The following L3HYPDH variants were observed in gnomAD, a reference collection of about 807,000 sequenced individuals.
The protein encoded by L3HYPDH is trans-L-3-hydroxyproline dehydratase, also known as trans-3-hydroxy-L-proline dehydratase.
L3HYPDH carries 32 observed loss-of-function variants against 26.5 expected under a neutral mutation model. The observed-to-expected ratio is 1.21, with a 90% CI of 0.91 to 1.62. The LOEUF (loss-of-function observed/expected upper bound fraction) is 1.62. L3HYPDH is among the 40% of genes most tolerant of loss of function. L3HYPDH has a pLI of 0.00. For synonymous variants in L3HYPDH, 215 were observed against 196.6 expected, an observed-to-expected ratio of 1.09 and a Z score of -0.78; for missense variants, 554 against 476.4, an observed-to-expected ratio of 1.16 and a Z score of -1.52.
At chr14:59,469,714 C>G (rs938685288), downstream of L3HYPDH, among the ~76,000 whole-genome samples, 5 of 152,070 alleles carry the variant, frequency 3.3e-5, no homozygotes, top group African/African-American at 1.2e-4. Context: ...AAGTCCCTAG[C>G]TTGGTGGATG....
rs773295805 is a variant in L3HYPDH, at chr14:59,483,736, G to T, written c.508+73C>A. The stretch of plus-strand genomic sequence containing the variant: ...GGTTAGTTGCCAGAGTTCCAGCCCA[G>T]AAAAACCGTTAATGTAGTTAGTCGC... On this transcript the variant is annotated intron_variant, in intron 1 of 4. Coordinates refer to ENST00000247194, the MANE Select transcript of L3HYPDH (RefSeq NM_144581.2). 11 of 1,541,216 alleles carry T rather than the reference G, an allele frequency of 7.1e-6. No individual in the cohort carries two copies. The African/African-American group carries it at 1.2e-4, about 17-fold the overall frequency.
In L3HYPDH at chr14:59,479,290, T is replaced by G; in HGVS notation, c.570A>C (p.Ala190=). 1 of 1,613,604 alleles carries G rather than the reference T, an allele frequency of 6.2e-7. No homozygotes were observed. The highest frequency in any genetic ancestry group is 8.5e-7 in the Non-Finnish European group (1 of 1,179,808). The change falls in exon 2 of 5, where the codon GCA becomes GCC. Residue 190 remains alanine (A), a synonymous_variant. Transcript: ENST00000247194. ...KVMVDIAYGG[A]FYAFVTAEKL... ...TTTCAGCAGTAACAAATGCATAAAA[T>G]GCACCGCCATATGCAATGTCCACCA...
At chr14:59,500,424 G>A in the L3HYPDH span, among the ~76,000 whole-genome samples, 2 of 152,110 alleles carry the variant, frequency 1.3e-5, no homozygotes, top group South Asian at 2.1e-4. Flanking sequence ...ATTTTAGTGT[G>A]TTATAAATTT....
chr14:59,488,098 C>G (rs1293048040), upstream of L3HYPDH, among the ~76,000 whole-genome samples: 1 of 151,922 alleles, frequency 6.6e-6, no homozygotes, highest in Non-Finnish European at 1.5e-5. Flanking sequence ...TGGTTTTCTA[C>G]ACAAAATTGG....
the L3HYPDH span, among the ~76,000 whole-genome samples, chr14:59,496,607 C>T: frequency 5.9e-5 from 9 of 152,152 alleles, no homozygotes; most frequent in Non-Finnish European, 1.2e-4. Context: ...CCCTCATCTG[C>T]ACCTGTAATA....
chr14:59,466,452 C>T (rs917148732), intron 1 of L3HYPDH, among the ~76,000 whole-genome samples: 1 of 152,186 alleles, frequency 6.6e-6, no homozygotes, highest in Non-Finnish European at 1.5e-5. Context: ...ATTGGACCAG[C>T]AGCATCAACA....
chr14:59,493,062 T>C, the L3HYPDH span, among the ~76,000 whole-genome samples: 1 of 151,256 alleles, frequency 6.6e-6, no homozygotes, highest in Non-Finnish European at 1.5e-5. Context: ...CCTCCCAAAG[T>C]GCTGGGATTA....
At chr14:59,482,278 T>A (rs1403087483) in intron 1 of L3HYPDH, among the ~76,000 whole-genome samples, 1 of 152,174 alleles carries the variant, frequency 6.6e-6, no homozygotes, top group Non-Finnish European at 1.5e-5. Context: ...CTGCCTTGTA[T>A]GCATTTTTCA....
the L3HYPDH span, chr14:59,498,898 A>T: frequency 6.3e-7 from 1 of 1,598,842 alleles, no homozygotes; most frequent in Admixed American, 1.7e-5. Flanking sequence ...CAGTTGGTGG[A>T]GGCCTTTTAT....
chr14:59,484,350 A>T lies in L3HYPDH; in HGVS notation c.-34T>A, dbSNP rs1890327553. The T allele has an allele frequency of 1.3e-6, 2 of 1,550,384 alleles. No homozygotes were observed. The highest frequency in any genetic ancestry group is 2.4e-5 in the South Asian group (2 of 84,222). ...TCGGGGGAGACGAGTACGGTCCCGCAGCTATGGCTTCAAGCCCGACCCTCA... is the reference window on the plus strand; with the variant it reads ...TCGGGGGAGACGAGTACGGTCCCGCTGCTATGGCTTCAAGCCCGACCCTCA... On this transcript the variant is annotated 5_prime_UTR_variant, in exon 1 of 5. Coordinates refer to ENST00000247194, the MANE Select transcript of L3HYPDH (RefSeq NM_144581.2).
chr14:59,479,303 G>A lies in L3HYPDH; in HGVS notation c.557C>T (p.Ala186Val), dbSNP rs1170616278. Residue 186 changes from alanine (A) to valine (V), a missense_variant, in exon 2 of 5, where the codon GCA (alanine) becomes GTA (valine). Transcript: ENST00000247194. ...PGHGKVMVDIAYGGAFYAFVT... is the reference protein window; with the variant it reads ...PGHGKVMVDIVYGGAFYAFVT... The stretch of plus-strand genomic sequence containing the variant: ...AAATGCATAAAATGCACCGCCATAT[G>A]CAATGTCCACCATCACCTTTCCATG... 6.2e-7 allele frequency: 1 copy of A among 1,613,568 alleles called. No individual in the cohort carries two copies. The highest frequency in any genetic ancestry group is 1.7e-5 in the Admixed American group (1 of 59,850).
chr14:59,483,788 T>A, intron 1 of L3HYPDH, 21 bp downstream of exon 1: 1 of 1,588,670 alleles, frequency 6.3e-7, no homozygotes, highest in Non-Finnish European at 8.5e-7. Context: ...TGCCCTGGGC[T>A]GGAAAGGTCC....
intron 1 of L3HYPDH, 175 bp downstream of exon 1, chr14:59,483,634 C>T (rs1344399941): frequency 1.4e-6 from 2 of 1,435,738 alleles, no homozygotes; most frequent in Non-Finnish European, 1.8e-6. Flanking sequence ...CGAAATTACA[C>T]GCACCAAATA....
chr14:59,483,902 A>T lies in L3HYPDH; in HGVS notation c.415T>A (p.Cys139Ser), dbSNP rs959532700. 33 of 1,563,746 alleles carry T rather than the reference A, an allele frequency of 2.1e-5. No individual in the cohort carries two copies. The highest frequency in any genetic ancestry group is 2.8e-5 in the Non-Finnish European group (33 of 1,161,132). The change falls in exon 1 of 5, where the codon TGC (cysteine) becomes AGC (serine). Residue 139 changes from cysteine (C) to serine (S), a missense_variant. Coordinates refer to ENST00000247194, the MANE Select transcript of L3HYPDH (RefSeq NM_144581.2). ...GCCACGAAGGCGGTCACCAGCCCGC[A>T]GGGGCAGTGGATATTGACGCGGGCC... ...REARVNIHCP[C>S]GLVTAFVACE... is the part of the protein sequence containing the mutation.
At chr14:59,468,928 C>T (rs866247849), downstream of L3HYPDH, among the ~76,000 whole-genome samples, 2 of 151,982 alleles carry the variant, frequency 1.3e-5, no homozygotes, top group African/African-American at 4.8e-5. Context: ...ATTCTCTGGG[C>T]GTAAGTAACA....
chr14:59,481,547 A>G (rs1414843488), intron 1 of L3HYPDH, among the ~76,000 whole-genome samples: 3 of 152,210 alleles, frequency 2.0e-5, no homozygotes, highest in Non-Finnish European at 4.4e-5. Flanking sequence ...CTTTTCTTCT[A>G]TACAAGCATA....
At chr14:59,474,327 T>C (rs1889475790) in intron 4 of L3HYPDH, 1 of 539,632 alleles carries the variant, frequency 1.9e-6, no homozygotes, top group Non-Finnish European at 3.3e-6. Flanking sequence ...AGCCAGAAAA[T>C]TAGCTTAAAA....
At chr14:59,502,336 T>G in the L3HYPDH span, among the ~76,000 whole-genome samples, 48 of 152,334 alleles carry the variant, frequency 3.2e-4, no homozygotes, top group Non-Finnish European at 6.0e-4. Flanking sequence ...CTTGCTAATC[T>G]AGGGACTATG....
chr14:59,484,030 T>G lies in L3HYPDH; in HGVS notation c.287A>C (p.His96Pro), dbSNP rs554927699. 2 of 1,605,308 alleles carry G rather than the reference T, an allele frequency of 1.2e-6. No homozygotes were observed. Among genetic ancestry groups the G allele is most frequent in the East Asian group, 4.5e-5 (2 of 44,784 alleles). The stretch of plus-strand genomic sequence containing the variant: ...GCACATGGAGCTGTAGCCCTCGTTG[T>G]GCAGGAACAGGACGCCCAGATGCGC... ...PDAHLGVLFLHNEGYSSMCGH... is the reference protein window; with the variant it reads ...PDAHLGVLFLPNEGYSSMCGH... Residue 96 changes from histidine (H) to proline (P), a missense_variant, in exon 1 of 5, where the codon CAC becomes CCC. Physicochemically the swap from His to Pro is moderately conservative, Grantham distance 77. Transcript: ENST00000247194.
Sources: gnomAD v4.1 joint callset for allele counts (sites outside exome capture counted in the v4.1 genomes callset) on GRCh38, gnomAD v4.1.1 for gene constraint, MANE v1.5 for transcripts, NCBI Gene and HGNC (gene_info 2026-07-23, HGNC 2026-07-21) for gene names.